The following CLCN6 variants were observed in gnomAD, a reference collection of about 807,000 sequenced individuals.
CLCN6 encodes H(+)/Cl(-) exchange transporter 6.
In CLCN6, 70 loss-of-function variants were observed where a neutral mutation model predicts 109.8. The observed-to-expected ratio is 0.64, with a 90% CI of 0.53 to 0.78. The LOEUF is 0.78. Among genes scored for constraint, CLCN6 ranks in the 30% least tolerant of loss-of-function variants. The pLI is 0.00. For synonymous variants in CLCN6, 444 were observed against 447.8 expected (o/e 0.99, Z 0.11); for missense variants, 984 against 1,142.3 (o/e 0.86, Z 2.00).
chr1:11,839,444 T>C (rs1644991812), intron 22 of CLCN6, among the ~76,000 whole-genome samples: 1 of 152,206 alleles, frequency 6.6e-6, no homozygotes, highest in South Asian at 2.1e-4. Flanking sequence ...GTATTTATGG[T>C]AGAGACACGG....
chr1:11,840,296 G>A lies in CLCN6; in HGVS notation c.*73G>A. 7.5e-7 allele frequency: 1 copy of A among 1,326,870 alleles called. No homozygotes were observed. Among genetic ancestry groups the A allele is most frequent in the Non-Finnish European group, 1.1e-6 (1 of 928,550 alleles). 82.2% of individuals were successfully genotyped at this position (1,326,870 alleles called of 1,614,324 possible). A position where few individuals can be genotyped will look rare whatever the true frequency, so the allele number is the denominator to read the frequency against. ...CTCACTCCGGCGGGCACAGCTGGCT[G>A]GGGCTGTTCCGGGGCATGGAAGATT... On this transcript the variant is annotated 3_prime_UTR_variant, in exon 23 of 23. Transcript: ENST00000346436.
chr1:11,835,873 C>T lies in CLCN6; in HGVS notation c.1794-94C>T, dbSNP rs548710507. Reference sequence around the variant, plus strand: ...GTTCAGAAGAGCCCCCCACCCCGCCCGTGGTCTGAGCAGGGCTGGAGAGCC... The same window carrying T: ...GTTCAGAAGAGCCCCCCACCCCGCCTGTGGTCTGAGCAGGGCTGGAGAGCC... On this transcript the variant is annotated intron_variant, in intron 17 of 22. Transcript: ENST00000346436. The T allele has an allele frequency of 2.5e-5, 27 of 1,095,818 alleles. No individual in the cohort carries two copies. The Admixed American group carries it at 5.3e-4, about 22-fold the overall frequency. The allele number at this position is 1,095,818 out of a possible 1,614,324, so 67.9% of individuals were successfully genotyped here. A position where few individuals can be genotyped will look rare whatever the true frequency, so the allele number is the denominator to read the frequency against.
At chr1:11,826,585 C>A (rs145329822) in intron 9 of CLCN6, among the ~76,000 whole-genome samples, 4 of 152,334 alleles carry the variant, frequency 2.6e-5, no homozygotes, top group African/African-American at 9.6e-5. Context: ...CTTCTTAGCC[C>A]TGTATCAGAT....
chr1:11,809,727 G>T (rs1011338695), intron 2 of CLCN6, among the ~76,000 whole-genome samples: 3 of 152,180 alleles, frequency 2.0e-5, no homozygotes, highest in African/African-American at 4.8e-5. Context: ...CAAAGTACTG[G>T]GATTACAAGC....
rs368079283 is a variant in CLCN6, at chr1:11,829,299, G to A, written c.1225G>A (p.Gly409Ser). Residue 409 changes from glycine (G) to serine (S), a missense_variant, in exon 13 of 23, where the codon GGT becomes AGT. Gly to Ser is a moderately conservative substitution (Grantham distance 56, BLOSUM62 0). Transcript: ENST00000346436. ...CRQMSSSSQI[G>S]NDSFQLQVTE... is the part of the protein sequence containing the mutation. Reference sequence around the variant, plus strand: ...ACAGATGTCCTCTTCGAGTCAAATCGGTAATGACTCATTCCAGCTCCAGGT... The same window carrying A: ...ACAGATGTCCTCTTCGAGTCAAATCAGTAATGACTCATTCCAGCTCCAGGT... 5.7e-5 allele frequency: 92 copies of A among 1,613,970 alleles called. 1 individual carries two copies. The highest frequency in any genetic ancestry group is 7.4e-5 in the Non-Finnish European group (87 of 1,179,990).
At chr1:11,828,356 CG>C in intron 11 of CLCN6, 101 bp from the exon 12 acceptor site, 1 of 1,502,734 alleles carries the variant, frequency 6.7e-7, no homozygotes, top group Non-Finnish European at 9.3e-7. Context: ...CTCTGCCGTG[CG>C]GGAAAGCAGC....
chr1:11,818,176 C>G (rs1235664756), intron 4 of CLCN6, among the ~76,000 whole-genome samples: 1 of 152,080 alleles, frequency 6.6e-6, no homozygotes, highest in Non-Finnish European at 1.5e-5. Flanking sequence ...GCAGATTTCT[C>G]TATAATAAGC....
intron 19 of CLCN6, 67 bp downstream of exon 19, chr1:11,837,223 G>C: frequency 6.3e-7 from 1 of 1,597,812 alleles, no homozygotes; most frequent in Non-Finnish European, 8.5e-7. Context: ...CTTTGGCTCA[G>C]ATGTTGTGAG....
chr1:11,822,428 C>T (rs1018427161), intron 5 of CLCN6, among the ~76,000 whole-genome samples: 9 of 152,062 alleles, frequency 5.9e-5, no homozygotes, highest in African/African-American at 1.2e-4. Context: ...CTTTTTGTAG[C>T]GACATGGTCT....
At chr1:11,817,249 C>T (rs763188047) in intron 4 of CLCN6, among the ~76,000 whole-genome samples, 8 of 152,138 alleles carry the variant, frequency 5.3e-5, no homozygotes, top group Non-Finnish European at 1.2e-4. Flanking sequence ...GGCATGAGAT[C>T]GCTCTTTAGG....
chr1:11,806,245 T>G lies in CLCN6; in HGVS notation c.-18T>G. On this transcript the variant is annotated 5_prime_UTR_variant, in exon 1 of 23. Transcript: ENST00000346436. ...AGGGGGTTGGTAGAGGGGTCCAGAG[T>G]GGCAGTAAAGGAGGAAGATGGCGGG... 2 of 1,440,942 alleles carry G rather than the reference T, an allele frequency of 1.4e-6. No homozygotes were observed. Among genetic ancestry groups the G allele is most frequent in the Non-Finnish European group, 1.8e-6 (2 of 1,097,650 alleles). 89.3% of individuals were successfully genotyped at this position (1,440,942 alleles called of 1,614,324 possible).
intron 1 of CLCN6, chr1:11,806,742 A>C (rs769846508): frequency 2.9e-6 from 1 of 350,456 alleles, no homozygotes; most frequent in Non-Finnish European, 5.2e-6. Context: ...GGTCACTGAC[A>C]GTCCAGCTTC....
At position 11,830,735 on chromosome 1, in the gene CLCN6, TATTATA is replaced by T. The variant is rs1377238434; in HGVS notation, c.1248+1414_1248+1419del. On this transcript the variant is annotated intron_variant, in intron 13 of 22. Transcript: ENST00000346436. ...TTCAGTGTCCCCAGTTATATGTATA[TATTATA>T]TATATATATATATATATATATATAC... Among the ~76,000 whole-genome samples the T allele has an allele frequency of 1.3e-3, 128 of 95,432 alleles. 6 individuals are homozygous for T. The highest frequency in any genetic ancestry group is 5.9e-3 in the African/African-American group (124 of 20,884). 62.6% of individuals were successfully genotyped at this position (95,432 alleles called of 152,430 possible). A position where few individuals can be genotyped will look rare whatever the true frequency, so the allele number is the denominator to read the frequency against.
chr1:11,836,970 G>T (rs552300439), intron 18 of CLCN6, 29 bp from the exon 19 acceptor site: 23 of 1,603,108 alleles, frequency 1.4e-5, no homozygotes, highest in African/African-American at 1.1e-4. Context: ...TTGCCCATGC[G>T]CAGTAGCCTG....
At position 11,806,201 on chromosome 1, in the gene CLCN6, G is replaced by A; in HGVS notation, c.-62G>A. On this transcript the variant is annotated 5_prime_UTR_variant, in exon 1 of 23. Transcript: ENST00000346436. ...GACCGTCCCGGGGCCAGTCACGTGAGGCGCAGATCCTGGCTGGGAGGGGGT... is the reference window on the plus strand; with the variant it reads ...GACCGTCCCGGGGCCAGTCACGTGAAGCGCAGATCCTGGCTGGGAGGGGGT... 7.4e-7 allele frequency: 1 copy of A among 1,357,676 alleles called. No individual in the cohort carries two copies. The allele number at this position is 1,357,676 out of a possible 1,614,324, so 84.1% of individuals were successfully genotyped here.
chr1:11,836,264 G>A (rs1644948608), intron 18 of CLCN6, 111 bp downstream of exon 18: 4 of 980,180 alleles, frequency 4.1e-6, no homozygotes, highest in Non-Finnish European at 1.5e-6. Context: ...GCTCTCAGGG[G>A]AAGTTGGCAC....
intron 18 of CLCN6, among the ~76,000 whole-genome samples, chr1:11,836,382 T>G (rs1404429390): frequency 6.6e-6 from 1 of 152,220 alleles, no homozygotes; most frequent in Non-Finnish European, 1.5e-5. Flanking sequence ...TGGACAGATC[T>G]GTTTTTCAAG....
chr1:11,828,276 A>G (rs1291197449), intron 11 of CLCN6, 57 bp downstream of exon 11: 7 of 1,514,452 alleles, frequency 4.6e-6, no homozygotes, highest in Non-Finnish European at 6.4e-6. Context: ...ATTTCCTCTC[A>G]AGTGAAGGAC....
intron 5 of CLCN6, among the ~76,000 whole-genome samples, chr1:11,821,296 G>A (rs1006713065): frequency 1.4e-4 from 22 of 152,208 alleles, no homozygotes; most frequent in African/African-American, 4.3e-4. Context: ...GGTGGCTGAC[G>A]CCTGTAATCC....
Sources: allele counts gnomAD v4.1 joint callset (sites outside exome capture counted in the v4.1 genomes callset), GRCh38; gene constraint gnomAD v4.1.1; transcripts MANE v1.5; gene names NCBI Gene and HGNC (gene_info 2026-07-23, HGNC 2026-07-21).